EPYC: variants seen among roughly 807,000 people sequenced by gnomAD.
The protein encoded by EPYC is epiphycan.
A neutral mutation model predicts 30.1 loss-of-function variants in EPYC; 28 were observed. The observed-to-expected ratio is 0.93, with a 90% CI of 0.69 to 1.28. The LOEUF (loss-of-function observed/expected upper bound fraction) is 1.28. Among genes scored for constraint, EPYC ranks in the 50% most tolerant of loss-of-function variants. EPYC has a pLI of 0.00. For missense variants in EPYC, 382 were observed against 383.5 expected, an observed-to-expected ratio of 1.00 and a Z score of 0.03; for synonymous variants, 144 against 141.4, an observed-to-expected ratio of 1.02 and a Z score of -0.13.
chr12:90,996,207 A>C (rs1387181122), intron 2 of EPYC, among the ~76,000 whole-genome samples: 1 of 151,856 alleles, frequency 6.6e-6, no homozygotes. Flanking sequence ...ATGCAGTCCT[A>C]TACCGATTTA....
intron 2 of EPYC, among the ~76,000 whole-genome samples, chr12:90,986,389 C>T (rs1024070909): frequency 1.3e-5 from 2 of 152,078 alleles, no homozygotes; most frequent in Non-Finnish European, 2.9e-5. Flanking sequence ...TCTAGGAGTA[C>T]AAAAACCAAA....
chr12:90,997,915 G>A (rs1384539176), intron 2 of EPYC, among the ~76,000 whole-genome samples: 1 of 151,924 alleles, frequency 6.6e-6, no homozygotes, highest in Non-Finnish European at 1.5e-5. Context: ...CAAGTTAAAA[G>A]AACAATTTAG....
chr12:90,999,581 G>A (rs181038654), intron 2 of EPYC, among the ~76,000 whole-genome samples: 46 of 152,020 alleles, frequency 3.0e-4, no homozygotes, highest in African/African-American at 7.5e-4. Flanking sequence ...TATTGGTTAC[G>A]TTAGTAGTAT....
intron 2 of EPYC, among the ~76,000 whole-genome samples, chr12:90,999,608 A>G (rs1385555285): frequency 6.6e-6 from 1 of 152,130 alleles, no homozygotes; most frequent in Non-Finnish European, 1.5e-5. Flanking sequence ...AGAATGTTTC[A>G]TATGAAATCA....
chr12:90,998,346 T>C (rs1877744140), intron 2 of EPYC, among the ~76,000 whole-genome samples: 1 of 152,120 alleles, frequency 6.6e-6, no homozygotes, highest in Admixed American at 6.6e-5. Flanking sequence ...ACTTACTGGG[T>C]AATATATAGC....
rs66600255 is a variant in EPYC, at chr12:90,978,265, GAAA to G, written c.166-6_166-4del. On this transcript the variant is annotated splice_polypyrimidine_tract_variant and splice_region_variant and intron_variant, in intron 2 of 6. Coordinates refer to ENST00000261172, the MANE Select transcript of EPYC (RefSeq NM_004950.5). ...GGCATCACTGTGGCTATTTCAATCT[GAAA>G]AAAAAAAAAAAAAGAGAATTTCTTC... The G allele has an allele frequency of 1.9e-3, 2,489 of 1,340,396 alleles. No homozygotes were observed. The highest frequency in any genetic ancestry group is 4.1e-3 in the Admixed American group (154 of 37,612). 83.0% of individuals were successfully genotyped at this position (1,340,396 alleles called of 1,614,324 possible). A position where few individuals can be genotyped will look rare whatever the true frequency, so the allele number is the denominator to read the frequency against.
intron 3 of EPYC, among the ~76,000 whole-genome samples, chr12:90,974,126 A>G (rs1592624126): frequency 6.6e-6 from 1 of 151,708 alleles, no homozygotes; most frequent in Non-Finnish European, 1.5e-5. Context: ...TGGAGAGGAC[A>G]GTAAACTTCT....
chr12:90,999,587 A>G (rs1399333709), intron 2 of EPYC, among the ~76,000 whole-genome samples: 1 of 152,078 alleles, frequency 6.6e-6, no homozygotes, highest in South Asian at 2.1e-4. Flanking sequence ...TTACGTTAGT[A>G]GTATTTAGTC....
chr12:90,996,806 C>T (rs1339073648), intron 2 of EPYC, among the ~76,000 whole-genome samples: 2 of 151,982 alleles, frequency 1.3e-5, no homozygotes, highest in African/African-American at 4.8e-5. Flanking sequence ...ACTAATATTC[C>T]TTTATTCATT....
intron 2 of EPYC, among the ~76,000 whole-genome samples, chr12:90,978,994 C>T (rs932387026): frequency 2.0e-5 from 3 of 152,030 alleles, no homozygotes; most frequent in Non-Finnish European, 2.9e-5. Flanking sequence ...TATAAAATTA[C>T]AAAATTATTC....
chr12:91,000,793 T>TG (rs1156820298), intron 2 of EPYC, among the ~76,000 whole-genome samples: 1 of 76,550 alleles, frequency 1.3e-5, no homozygotes, highest in Non-Finnish European at 4.1e-5. Flanking sequence ...GCACTAACTT[T>TG]TTTTTAAAAA....
intron 2 of EPYC, among the ~76,000 whole-genome samples, chr12:90,992,549 C>T (rs1194876108): frequency 6.6e-6 from 1 of 152,100 alleles, no homozygotes; most frequent in Admixed American, 6.5e-5. Context: ...CATCAATTGC[C>T]AGAAAGATAG....
chr12:90,979,706 C>T (rs1387620097), intron 2 of EPYC, among the ~76,000 whole-genome samples: 1 of 152,122 alleles, frequency 6.6e-6, no homozygotes, highest in African/African-American at 2.4e-5. Flanking sequence ...TTGTTTTCTG[C>T]ATTTCCAAGC....
At chr12:90,978,055 A>G (rs745383772) in intron 3 of EPYC, 33 bp downstream of exon 3, 1 of 1,507,982 alleles carries the variant, frequency 6.6e-7, no homozygotes, top group East Asian at 2.5e-5. Context: ...GACAAAGTGG[A>G]CTCAATTGTA....
rs757354237 is a variant in EPYC, at chr12:90,972,941, G to C, written c.380C>G (p.Thr127Ser). The C allele has an allele frequency of 6.2e-7, 1 of 1,610,248 alleles. No homozygotes were observed. The highest frequency in any genetic ancestry group is 8.5e-7 in the Non-Finnish European group (1 of 1,177,452). ...TCLLCTCIST[T>S]VYCDDHELDA... ...AAGTTCATGGTCATCACAGTACACG[G>C]TGGTACTTATACAAGTACACAAAAG... Residue 127 changes from threonine to serine, a missense_variant, in exon 4 of 7, where the codon ACC (threonine) becomes AGC (serine). Physicochemically the swap from Thr to Ser is moderately conservative, Grantham distance 58. Coordinates refer to ENST00000261172, the MANE Select transcript of EPYC (RefSeq NM_004950.5).
At chr12:90,964,508 C>T (rs1265093957) in intron 6 of EPYC, among the ~76,000 whole-genome samples, 182 bp from the exon 7 acceptor site, 1 of 152,026 alleles carries the variant, frequency 6.6e-6, no homozygotes, top group Non-Finnish European at 1.5e-5. Flanking sequence ...TAGACATGCT[C>T]CTGTTTTTAA....
At chr12:90,973,516 T>C (rs1311565518) in intron 3 of EPYC, among the ~76,000 whole-genome samples, 1 of 152,174 alleles carries the variant, frequency 6.6e-6, no homozygotes, top group East Asian at 1.9e-4. Flanking sequence ...ACAAATGAAA[T>C]TATGAATGTG....
At chr12:90,982,892 A>G (rs1877355109) in intron 2 of EPYC, among the ~76,000 whole-genome samples, 1 of 152,104 alleles carries the variant, frequency 6.6e-6, no homozygotes, top group African/African-American at 2.4e-5. Flanking sequence ...CCATCCATTG[A>G]TGGACACCTA....
At chr12:90,981,243 C>A (rs1157681329) in intron 2 of EPYC, among the ~76,000 whole-genome samples, 1 of 152,106 alleles carries the variant, frequency 6.6e-6, no homozygotes, top group Non-Finnish European at 1.5e-5. Flanking sequence ...CTGCACCCTG[C>A]ACAGCCCTGA....
Sources: gnomAD v4.1 joint callset for allele counts (sites outside exome capture counted in the v4.1 genomes callset) on GRCh38, gnomAD v4.1.1 for gene constraint, MANE v1.5 for transcripts, NCBI Gene and HGNC (gene_info 2026-07-23, HGNC 2026-07-21) for gene names.